The following TMEM132D variants were observed in gnomAD, a reference collection of about 807,000 sequenced individuals.
TMEM132D encodes transmembrane protein 132D, also known as mature OL transmembrane protein.
In TMEM132D, 21 loss-of-function variants were observed where a neutral mutation model predicts 62.3. That is an observed-to-expected ratio of 0.34 (90% confidence interval 0.24 to 0.49). The LOEUF is 0.49. Ranked by LOEUF, TMEM132D falls within the 20% of genes least tolerant of loss-of-function variation. TMEM132D has a pLI of 0.99. For missense variants in TMEM132D, 1,346 were observed against 1,402.8 expected (o/e 0.96, Z 0.65); for synonymous variants, 621 against 575.6 (o/e 1.08, Z -1.13).
chr12:129,251,133 G>A (rs1880251546), intron 4 of TMEM132D, among the ~76,000 whole-genome samples: 1 of 152,022 alleles, frequency 6.6e-6, no homozygotes, highest in Admixed American at 6.6e-5. Context: ...TGAGGTGGGT[G>A]GGTTGCCTGA....
At chr12:129,495,393 G>A (rs559754241) in intron 3 of TMEM132D, among the ~76,000 whole-genome samples, 1 of 152,152 alleles carries the variant, frequency 6.6e-6, no homozygotes, top group East Asian at 1.9e-4. Context: ...CAGACAGAAG[G>A]GGGAGATCGG....
chr12:129,158,521 G>T (rs966949170), intron 5 of TMEM132D, among the ~76,000 whole-genome samples: 1 of 152,226 alleles, frequency 6.6e-6, no homozygotes, highest in Non-Finnish European at 1.5e-5. Flanking sequence ...GTAATCATCT[G>T]TTGGCATAGA....
intron 4 of TMEM132D, among the ~76,000 whole-genome samples, chr12:129,332,006 T>A (rs1012969509): frequency 1.3e-5 from 2 of 151,836 alleles, no homozygotes; most frequent in African/African-American, 4.8e-5. Context: ...AGGCCAGGAG[T>A]TCGAGACTAG....
In TMEM132D at chr12:129,081,801, T is replaced by C; in HGVS notation, c.1881A>G (p.Gly627=). The change falls in exon 7 of 9, where the codon GGA becomes GGG. Residue 627 remains glycine, a synonymous_variant. Transcript: ENST00000422113. ...CAAGCTCCTGCCCCATCAGGATCTG[T>C]CCGCCTTGCAGCTTGGCGATCCTGG... ...EEPRIAKLQG[G]QILMGQELGM... The C allele has an allele frequency of 1.9e-6, 3 of 1,613,206 alleles. No individual in the cohort carries two copies. Among genetic ancestry groups the C allele is most frequent in the Non-Finnish European group, 2.5e-6 (3 of 1,179,806 alleles).
chr12:129,682,298 A>C (rs1238023063), intron 2 of TMEM132D, among the ~76,000 whole-genome samples: 2 of 152,142 alleles, frequency 1.3e-5, no homozygotes, highest in African/African-American at 4.8e-5. Context: ...GGTTCACCTT[A>C]CTCTGTTTAT....
intron 4 of TMEM132D, among the ~76,000 whole-genome samples, chr12:129,250,361 T>G (rs1001123702): frequency 6.6e-6 from 1 of 152,250 alleles, no homozygotes; most frequent in Non-Finnish European, 1.5e-5. Context: ...GAGAAAGTTA[T>G]CTATTTTATT....
intron 3 of TMEM132D, among the ~76,000 whole-genome samples, chr12:129,352,451 T>C (rs73151012): frequency 6.8e-6 from 1 of 148,126 alleles, no homozygotes; most frequent in Non-Finnish European, 1.5e-5. Context: ...TTTTTTTTTT[T>C]CTAGCATCAG....
chr12:129,133,724 G>A (rs911024179), intron 5 of TMEM132D, among the ~76,000 whole-genome samples: 2 of 152,220 alleles, frequency 1.3e-5, no homozygotes, highest in African/African-American at 4.8e-5. Context: ...TTGGTGTGTG[G>A]TGGGCCCCCA....
At chr12:129,783,968 T>C (rs1005216970) in intron 1 of TMEM132D, among the ~76,000 whole-genome samples, 1 of 152,224 alleles carries the variant, frequency 6.6e-6, no homozygotes, top group Non-Finnish European at 1.5e-5. Flanking sequence ...ATGGTTGTTT[T>C]TTCCCCATCC....
chr12:129,789,123 GT>G (rs1871326298), intron 1 of TMEM132D, among the ~76,000 whole-genome samples: 2 of 152,110 alleles, frequency 1.3e-5, no homozygotes, highest in Admixed American at 1.3e-4. Context: ...ACATGGATAA[GT>G]TCTTTAGCGG....
chr12:129,117,108 A>T (rs1875917419), intron 5 of TMEM132D, among the ~76,000 whole-genome samples: 1 of 152,184 alleles, frequency 6.6e-6, no homozygotes, highest in African/African-American at 2.4e-5. Context: ...CCAAGAAAAG[A>T]CATAGAGGAA....
intron 1 of TMEM132D, among the ~76,000 whole-genome samples, chr12:129,782,123 A>G (rs1041398846): frequency 6.6e-6 from 1 of 152,230 alleles, no homozygotes; most frequent in Non-Finnish European, 1.5e-5. Flanking sequence ...GCCTGGAACC[A>G]GAAGTGTTTT....
chr12:129,133,183 T>A (rs1317420833), intron 5 of TMEM132D, among the ~76,000 whole-genome samples: 1 of 152,186 alleles, frequency 6.6e-6, no homozygotes, highest in Non-Finnish European at 1.5e-5. Flanking sequence ...AAAATTGTGA[T>A]AAGAACACCT....
rs1875467946 is a variant in TMEM132D, at chr12:129,903,983, G to A, written c.-644C>T. The stretch of plus-strand genomic sequence containing the variant: ...GCCGCCTCGGCCCGCCCGGCCCCGG[G>A]CCCGGCTGGGGCTCGCGGGGCTCTA... On this transcript the variant is annotated 5_prime_UTR_variant, in exon 1 of 9. Coordinates refer to ENST00000422113, the MANE Select transcript of TMEM132D (RefSeq NM_133448.3). The surrounding 1 kb of genome is among the most constrained non-coding windows in gnomAD (Gnocchi z 6.2). Among the ~76,000 whole-genome samples, 2 of 149,200 alleles carry A rather than the reference G, an allele frequency of 1.3e-5. No individual in the cohort carries two copies. The highest frequency in any genetic ancestry group is 2.4e-5 in the African/African-American group (1 of 41,260).
chr12:129,879,170 C>T (rs1199742522), intron 1 of TMEM132D, among the ~76,000 whole-genome samples: 1 of 152,166 alleles, frequency 6.6e-6, no homozygotes, highest in Non-Finnish European at 1.5e-5. Context: ...TAAAATCAAT[C>T]CCAGACATAA....
At chr12:129,191,113 G>A (rs1878388325) in intron 5 of TMEM132D, among the ~76,000 whole-genome samples, 1 of 152,076 alleles carries the variant, frequency 6.6e-6, no homozygotes, top group South Asian at 2.1e-4. Flanking sequence ...CTTACTTCCT[G>A]CCACAGTGCC....
intron 3 of TMEM132D, among the ~76,000 whole-genome samples, chr12:129,490,578 G>A (rs1397092629): frequency 1.5e-5 from 2 of 133,172 alleles, no homozygotes; most frequent in African/African-American, 6.1e-5. Flanking sequence ...ACAGGCGCCC[G>A]CCCACCACGC....
intron 1 of TMEM132D, among the ~76,000 whole-genome samples, chr12:129,845,166 A>G (rs991704850): frequency 1.3e-5 from 2 of 152,244 alleles, no homozygotes; most frequent in Non-Finnish European, 2.9e-5. Flanking sequence ...CATGAAATTA[A>G]TATGTATGGA....
chr12:129,227,959 G>T (rs1049207201), intron 4 of TMEM132D, among the ~76,000 whole-genome samples: 1 of 152,096 alleles, frequency 6.6e-6, no homozygotes, highest in Non-Finnish European at 1.5e-5. Flanking sequence ...AGTATTCCAC[G>T]GTGTATACGT....
Sources: gnomAD v4.1 joint callset for allele counts (sites outside exome capture counted in the v4.1 genomes callset) on GRCh38, gnomAD v4.1.1 for gene constraint, Gnocchi (gnomAD v3.1) non-coding constraint, MANE v1.5 for transcripts, NCBI Gene and HGNC (gene_info 2026-07-23, HGNC 2026-07-21) for gene names.